The following SMIM29 variants were observed in gnomAD, a reference collection of about 807,000 sequenced individuals.
SMIM29 encodes the protein small integral membrane protein 29, also known as uncharacterized protein C6orf1.
In SMIM29, 4 loss-of-function variants were observed where a neutral mutation model predicts 12.9. The observed-to-expected ratio is 0.31, with a 90% CI of 0.15 to 0.71. The LOEUF (loss-of-function observed/expected upper bound fraction) is 0.71. SMIM29 is among the 30% of genes least tolerant of loss of function. SMIM29 has a pLI of 0.70. For synonymous variants in SMIM29, 50 were observed against 52.0 expected (o/e 0.96, Z 0.17); for missense variants, 122 against 138.1 (o/e 0.88, Z 0.58).
chr6:34,246,677 G>C lies in SMIM29; in HGVS notation c.*126C>G. 1 of 1,613,968 alleles carries C rather than the reference G, an allele frequency of 6.2e-7. No individual in the cohort carries two copies. The highest frequency in any genetic ancestry group is 8.5e-7 in the Non-Finnish European group (1 of 1,179,982). The stretch of plus-strand genomic sequence containing the variant: ...ATGGGAAGCAGATGCTGCTGAGGGT[G>C]GGTGGAGGGAGAAATGGAGACCCAG... On this transcript the variant is annotated 3_prime_UTR_variant, in exon 5 of 5. Transcript: ENST00000476320.
rs760022657 is a variant in SMIM29 at position 34,246,637 on chromosome 6, G to A, written c.*166C>T. Reference sequence around the variant, plus strand: ...AGGGCAGAAGGCCTGGGGGCAGTGAGGTGATGGTGAGGGCATGGGAAGCAG... The same window carrying A: ...AGGGCAGAAGGCCTGGGGGCAGTGAAGTGATGGTGAGGGCATGGGAAGCAG... On this transcript the variant is annotated 3_prime_UTR_variant, in exon 5 of 5. Transcript: ENST00000476320. The A allele has an allele frequency of 1.9e-6, 3 of 1,613,906 alleles. No individual in the cohort carries two copies. The highest frequency in any genetic ancestry group is 2.7e-5 in the African/African-American group (2 of 74,940).
Position 34,248,119 on chromosome 6 carries a change from C to G in SMIM29, c.-73-255G>C, listed in dbSNP as rs541553461. 3 of 985,430 alleles carry G rather than the reference C, an allele frequency of 3.0e-6. No homozygotes were observed. The African/African-American group carries it at 5.2e-5, about 17-fold the overall frequency. The allele number at this position is 985,430 out of a possible 1,614,324, so 61.0% of individuals were successfully genotyped here. Reference sequence around the variant, plus strand: ...ATCCCTAAATCAGGGTGGGGCCCAGCTCAGATGCTGGCCAAACATTTACAA... The same window carrying G: ...ATCCCTAAATCAGGGTGGGGCCCAGGTCAGATGCTGGCCAAACATTTACAA... On this transcript the variant is annotated intron_variant, in intron 1 of 4. Coordinates refer to ENST00000476320, the MANE Select transcript of SMIM29 (RefSeq NM_001008703.4).
chr6:34,246,804 C>T lies in SMIM29; in HGVS notation c.308G>A (p.Ter103=). 2.5e-6 allele frequency: 4 copies of T among 1,612,920 alleles called. No homozygotes were observed. Among genetic ancestry groups the T allele is most frequent in the Non-Finnish European group, 3.4e-6 (4 of 1,179,930 alleles). ...KRMPLLDVKT[*] Reference sequence around the variant, plus strand: ...GAAGGGTGGGGCAAGGGGGTCAGGTCACGTCTTGACATCCAGCAGTGGCAT... The same window carrying T: ...GAAGGGTGGGGCAAGGGGGTCAGGTTACGTCTTGACATCCAGCAGTGGCAT... Residue 103 remains the stop codon, a stop_retained_variant, in exon 5 of 5, where the codon TGA becomes TAA. Coordinates refer to ENST00000476320, the MANE Select transcript of SMIM29 (RefSeq NM_001008703.4).
At chr6:34,247,961 G>C (rs1762871710) in intron 1 of SMIM29, 97 bp from the exon 2 acceptor site, 1 of 1,232,992 alleles carries the variant, frequency 8.1e-7, no homozygotes, top group Non-Finnish European at 1.0e-6. Flanking sequence ...ACTGGTCCCA[G>C]GTCAAATCCT....
Position 34,247,031 on chromosome 6 carries a change from C to A in SMIM29, c.243+13G>T, listed in dbSNP as rs752612863. On this transcript the variant is annotated intron_variant, in intron 4 of 4. Coordinates refer to ENST00000476320, the MANE Select transcript of SMIM29 (RefSeq NM_001008703.4). ...ACCTTGCCTCATTCTCCCCCTGGCCCCCAAGTGCTCACCTTGGGGTCTCCC... is the reference window on the plus strand; with the variant it reads ...ACCTTGCCTCATTCTCCCCCTGGCCACCAAGTGCTCACCTTGGGGTCTCCC... The A allele has an allele frequency of 1.2e-6, 2 of 1,613,956 alleles. No homozygotes were observed. The highest frequency in any genetic ancestry group is 3.3e-5 in the Admixed American group (2 of 60,006).
chr6:34,248,401 G>A (rs958065688), intron 1 of SMIM29: 1 of 985,424 alleles, frequency 1.0e-6, no homozygotes, highest in Non-Finnish European at 1.2e-6. Flanking sequence ...CAGACATACA[G>A]CCCAAACACC....
chr6:34,246,889 C>A, intron 4 of SMIM29, 21 bp from the exon 5 acceptor site: 1 of 1,600,906 alleles, frequency 6.2e-7, no homozygotes. Flanking sequence ...GGAGACCACA[C>A]CACAAGGCTG....
rs1438185502 is a variant in SMIM29 at position 34,247,716 on chromosome 6, A to G, written c.76T>C (p.Phe26Leu). 4 of 1,397,844 alleles carry G rather than the reference A, an allele frequency of 2.9e-6. No individual in the cohort carries two copies. Among genetic ancestry groups the G allele is most frequent in the Non-Finnish European group, 3.7e-6 (4 of 1,082,972 alleles). 86.6% of individuals were successfully genotyped at this position (1,397,844 alleles called of 1,614,324 possible). A position where few individuals can be genotyped will look rare whatever the true frequency, so the allele number is the denominator to read the frequency against. The change falls in exon 2 of 5, where the codon TTC becomes CTC. Residue 26 changes from phenylalanine (F) to leucine (L), a missense_variant. Phe to Leu is a conservative substitution (Grantham distance 22). Coordinates refer to ENST00000476320, the MANE Select transcript of SMIM29 (RefSeq NM_001008703.4). ...ACCACCCCGACCAGGGTGATGAGGAAGAAGGGCCCCAACACATAGCCCACC... is the reference window on the plus strand; with the variant it reads ...ACCACCCCGACCAGGGTGATGAGGAGGAAGGGCCCCAACACATAGCCCACC... ...SMVGYVLGPFFLITLVGVVVA... is the reference protein window; with the variant it reads ...SMVGYVLGPFLLITLVGVVVA...
At chr6:34,246,996 G>A (rs1762813557) in intron 4 of SMIM29, 48 bp downstream of exon 4, 2 of 1,613,346 alleles carry the variant, frequency 1.2e-6, no homozygotes, top group East Asian at 2.2e-5. Context: ...TGGGAACAGG[G>A]CTGACTCCCA....
At chr6:34,248,866 G>A in intron 1 of SMIM29, 113 bp downstream of exon 1, 1 of 985,676 alleles carries the variant, frequency 1.0e-6, no homozygotes, top group Non-Finnish European at 1.2e-6. Context: ...GGAGGTGGGG[G>A]TGTTGGGGGA....
At chr6:34,247,313 TCC>T (rs909848066) in intron 3 of SMIM29, 152 bp downstream of exon 3, 46 of 1,539,098 alleles carry the variant, frequency 3.0e-5, no homozygotes, top group Non-Finnish European at 3.3e-5. Context: ...AAAGGGGCTT[TCC>T]CCAGTGAGTA....
At chr6:34,247,897 C>G (rs376182975) in intron 1 of SMIM29, 33 bp from the exon 2 acceptor site, 2 of 1,249,698 alleles carry the variant, frequency 1.6e-6, no homozygotes, top group African/African-American at 1.5e-5. Flanking sequence ...ATCAGTTGCA[C>G]CCAGGTGACA....
At chr6:34,247,188 C>CG (rs1176632269) in intron 3 of SMIM29, 39 bp from the exon 4 acceptor site, 35 of 1,603,944 alleles carry the variant, frequency 2.2e-5, no homozygotes, top group Non-Finnish European at 2.8e-5. Flanking sequence ...GGAGGTCCCC[C>CG]CAACCCTCAT....
In SMIM29 at chr6:34,247,835, C is replaced by T. The variant is rs1017012679; in HGVS notation, c.-44G>A. 12 of 1,261,952 alleles carry T rather than the reference C, an allele frequency of 9.5e-6. No individual in the cohort carries two copies. Among genetic ancestry groups the T allele is most frequent in the South Asian group, 3.3e-5 (1 of 30,048 alleles). 78.2% of individuals were successfully genotyped at this position (1,261,952 alleles called of 1,614,324 possible). On this transcript the variant is annotated 5_prime_UTR_variant, in exon 2 of 5. Coordinates refer to ENST00000476320, the MANE Select transcript of SMIM29 (RefSeq NM_001008703.4). ...GCTGGGTGGTCAGCATGGGCAGTGG[C>T]GCTTCGGGAGGGCGCCTCCACTGGG...
At chr6:34,248,024 T>C in intron 1 of SMIM29, 160 bp from the exon 2 acceptor site, 11 of 985,416 alleles carry the variant, frequency 1.1e-5, no homozygotes, top group Non-Finnish European at 1.3e-5. Flanking sequence ...CCAGTGAGTC[T>C]TGGCAAATCC....
chr6:34,247,863 C>G lies in SMIM29; in HGVS notation c.-72G>C. Reference sequence around the variant, plus strand: ...TTCGGGAGGGCGCCTCCACTGGGCTCCCTGGGAAGGAGGAAGGGAGGTTAT... The same window carrying G: ...TTCGGGAGGGCGCCTCCACTGGGCTGCCTGGGAAGGAGGAAGGGAGGTTAT... On this transcript the variant is annotated splice_region_variant and 5_prime_UTR_variant, in exon 2 of 5. Transcript: ENST00000476320. 7.9e-7 allele frequency: 1 copy of G among 1,260,258 alleles called. No homozygotes were observed. Among genetic ancestry groups the G allele is most frequent in the South Asian group, 3.4e-5 (1 of 29,538 alleles). 78.1% of individuals were successfully genotyped at this position (1,260,258 alleles called of 1,614,324 possible).
chr6:34,248,578 G>C (rs1481441565), intron 1 of SMIM29: 2 of 985,548 alleles, frequency 2.0e-6, no homozygotes, highest in Non-Finnish European at 2.4e-6. Flanking sequence ...AGTCCCCATC[G>C]ACAGAAGCAA....
intron 3 of SMIM29, 63 bp downstream of exon 3, chr6:34,247,404 C>T: frequency 6.5e-7 from 1 of 1,538,242 alleles, no homozygotes; most frequent in African/African-American, 1.4e-5. Context: ...AAAGTCAGAG[C>T]CTATGAGCAG....
chr6:34,247,938 A>G (rs1437057411), intron 1 of SMIM29, 74 bp from the exon 2 acceptor site: 7 of 1,235,180 alleles, frequency 5.7e-6, no homozygotes, highest in Non-Finnish European at 1.0e-6. Flanking sequence ...CCCAGAGCTG[A>G]AGATCTATGA....
Sources: gnomAD v4.1 joint callset for allele counts on GRCh38, gnomAD v4.1.1 for gene constraint, MANE v1.5 for transcripts, NCBI Gene and HGNC (gene_info 2026-07-23, HGNC 2026-07-21) for gene names.